Variants in ANO5 observed in about 807,000 individuals in gnomAD.
ANO5 encodes anoctamin 5, also known as anoctamin-5.
Under a neutral mutation model 121.0 loss-of-function variants are expected in ANO5, and 109 were observed. The observed-to-expected ratio is 0.90, with a 90% CI of 0.77 to 1.06. ANO5 has a LOEUF of 1.06. Among genes scored for constraint, ANO5 ranks in the 50% least tolerant of loss-of-function variants. The pLI is 0.00. For missense variants in ANO5, 1,064 were observed against 1,078.5 expected (o/e 0.99, Z 0.19); for synonymous variants, 406 against 359.9 (o/e 1.13, Z -1.45).
intron 15 of ANO5, 54 bp downstream of exon 15, chr11:22,259,795 A>G: frequency 2.6e-6 from 4 of 1,516,630 alleles, no homozygotes; most frequent in Admixed American, 3.5e-5. Flanking sequence ...TATTGATGCT[A>G]TATGTCTATT....
chr11:22,200,657 A>C (rs1401791839), intron 1 of ANO5, among the ~76,000 whole-genome samples: 1 of 152,216 alleles, frequency 6.6e-6, no homozygotes, highest in Non-Finnish European at 1.5e-5. Context: ...TGATGGCACC[A>C]GCAGTTTTAT....
At chr11:22,195,922 C>T (rs1051299282) in intron 1 of ANO5, among the ~76,000 whole-genome samples, 10 of 152,058 alleles carry the variant, frequency 6.6e-5, no homozygotes, top group Non-Finnish European at 1.5e-4. Flanking sequence ...GAACCAGAAC[C>T]CAAGCATCAG....
intron 17 of ANO5, among the ~76,000 whole-genome samples, chr11:22,267,493 TATAA>T (rs1333717877): frequency 6.8e-6 from 1 of 146,154 alleles, no homozygotes; most frequent in Non-Finnish European, 1.5e-5. Context: ...CTACATACCA[TATAA>T]ATATCTACAA....
chr11:22,207,137 A>G (rs1852146016), intron 2 of ANO5, among the ~76,000 whole-genome samples: 1 of 152,106 alleles, frequency 6.6e-6, no homozygotes, highest in Non-Finnish European at 1.5e-5. Context: ...TGGAAACCCA[A>G]ATTGGTATAT....
At chr11:22,246,880 G>T (rs1007835721) in intron 9 of ANO5, among the ~76,000 whole-genome samples, 6 of 102,616 alleles carry the variant, frequency 5.8e-5, no homozygotes, top group Non-Finnish European at 1.0e-4. Flanking sequence ...AAAAAAAAAA[G>T]CAAAAAAGAA....
At chr11:22,193,602 G>T in intron 1 of ANO5, 70 bp downstream of exon 1, 1 of 1,558,342 alleles carries the variant, frequency 6.4e-7, no homozygotes, top group South Asian at 1.2e-5. Context: ...CCGCGGCGCA[G>T]AGGCCCCGGG....
intron 2 of ANO5, among the ~76,000 whole-genome samples, chr11:22,209,061 T>A (rs936705234): frequency 1.3e-5 from 2 of 152,008 alleles, no homozygotes; most frequent in African/African-American, 4.8e-5. Flanking sequence ...ATATGATGAA[T>A]GTTTTTAGGC....
In ANO5 at chr11:22,272,813, G is replaced by A; in HGVS notation, c.2059G>A (p.Val687Met). 2 of 1,614,012 alleles carry A rather than the reference G, an allele frequency of 1.2e-6. No individual in the cohort carries two copies. Among genetic ancestry groups the A allele is most frequent in the South Asian group, 1.1e-5 (1 of 91,062 alleles). ...VTQFGFVTLF[V>M]ASFPLAPLLA... The stretch of plus-strand genomic sequence containing the variant: ...TCAATTTGGATTTGTTACACTATTT[G>A]TGGCCTCTTTTCCTTTGGCTCCTCT... The change falls in exon 19 of 22, where the codon GTG (valine) becomes ATG (methionine). Residue 687 changes from valine to methionine, a missense_variant. Physicochemically the swap from Val to Met is conservative, Grantham distance 21. Coordinates refer to ENST00000324559, the MANE Select transcript of ANO5 (RefSeq NM_213599.3).
At chr11:22,254,442 C>G (rs1001939874) in intron 12 of ANO5, among the ~76,000 whole-genome samples, 2 of 152,132 alleles carry the variant, frequency 1.3e-5, no homozygotes, top group Non-Finnish European at 2.9e-5. Context: ...CACAGCAGCA[C>G]TATGTGTAAT....
At chr11:22,272,509 GAGGA>G (rs1854657993) in intron 18 of ANO5, among the ~76,000 whole-genome samples, 1 of 152,124 alleles carries the variant, frequency 6.6e-6, no homozygotes, top group East Asian at 1.9e-4. Context: ...AAAAGGCAAA[GAGGA>G]ATAGAATCTT....
intron 9 of ANO5, among the ~76,000 whole-genome samples, chr11:22,243,990 C>T (rs945179805): frequency 6.6e-5 from 4 of 60,972 alleles, no homozygotes; most frequent in Non-Finnish European, 2.0e-4. Context: ...TGTATAGTCT[C>T]TTTATAGTGT....
At chr11:22,192,794 A>G (rs1409950937), upstream of ANO5, among the ~76,000 whole-genome samples, 3 of 152,174 alleles carry the variant, frequency 2.0e-5, no homozygotes, top group Non-Finnish European at 4.4e-5. Flanking sequence ...GGACGTGCGA[A>G]GCCTGTACAG....
chr11:22,214,789 G>A (rs1852387394), intron 3 of ANO5, among the ~76,000 whole-genome samples: 1 of 151,996 alleles, frequency 6.6e-6, no homozygotes, highest in Non-Finnish European at 1.5e-5. Context: ...AGTGGAGAGG[G>A]AATGTGCTGG....
In ANO5 at chr11:22,232,225, A is replaced by G. The variant is rs975150436; in HGVS notation, c.649-3938A>G. 3.3e-5 allele frequency among the ~76,000 whole-genome samples: 5 copies of G among 151,922 alleles called. 1 individual carries two copies. The highest frequency in any genetic ancestry group is 6.6e-5 in the Admixed American group (1 of 15,214). ...TTGTTCATTCATTCTTTGGCATAGA[A>G]ATTTATTTGTGTATGTGTCATTATT... On this transcript the variant is annotated intron_variant, in intron 7 of 21. Coordinates refer to ENST00000324559, the MANE Select transcript of ANO5 (RefSeq NM_213599.3).
At chr11:22,226,092 A>C (rs1321558131) in intron 6 of ANO5, 40 bp downstream of exon 6, 1 of 1,525,040 alleles carries the variant, frequency 6.6e-7, no homozygotes. Context: ...TCTTTAATTT[A>C]AGTGTTGTTT....
intron 7 of ANO5, among the ~76,000 whole-genome samples, chr11:22,228,969 G>A (rs965807601): frequency 6.6e-6 from 1 of 151,944 alleles, no homozygotes; most frequent in African/African-American, 2.4e-5. Flanking sequence ...TAGACATACT[G>A]ATTTCATTCC....
At chr11:22,193,862 G>T (rs1473019389) in intron 1 of ANO5, among the ~76,000 whole-genome samples, 4 of 152,176 alleles carry the variant, frequency 2.6e-5, no homozygotes, top group Non-Finnish European at 4.4e-5. Flanking sequence ...CTAGGCTAGC[G>T]CTGCAGTGCT....
chr11:22,253,110 A>C (rs1853881306), intron 12 of ANO5, among the ~76,000 whole-genome samples: 1 of 152,180 alleles, frequency 6.6e-6, no homozygotes, highest in African/African-American at 2.4e-5. Flanking sequence ...ATTCCTTCTT[A>C]AAAATGAAAA....
Position 22,236,049 on chromosome 11 carries a change from T to A in ANO5, c.649-114T>A, listed in dbSNP as rs11820954. ...GACAACCAAGAGAAGCTTCTTTCTA[T>A]AATTAGAGCCTGTATCTACATTCAA... On this transcript the variant is annotated intron_variant, in intron 7 of 21. Coordinates refer to ENST00000324559, the MANE Select transcript of ANO5 (RefSeq NM_213599.3). 0.062 allele frequency: 44,965 copies of A among 728,348 alleles called. 7,714 individuals are homozygous for A. Among genetic ancestry groups the A allele is most frequent in the African/African-American group, 0.48 (26,977 of 56,754 alleles). 45.1% of individuals were successfully genotyped at this position (728,348 alleles called of 1,614,324 possible).
Sources: gnomAD v4.1 joint callset for allele counts (sites outside exome capture counted in the v4.1 genomes callset) on GRCh38, gnomAD v4.1.1 for gene constraint, MANE v1.5 for transcripts, NCBI Gene and HGNC (gene_info 2026-07-23, HGNC 2026-07-21) for gene names.